The following GALNT10 variants were observed in gnomAD, a reference collection of about 807,000 sequenced individuals.
The protein encoded by GALNT10 is polypeptide N-acetylgalactosaminyltransferase 10, also known as GalNAc transferase 10.
A neutral mutation model predicts 75.0 loss-of-function variants in GALNT10; 41 were observed. That is an observed-to-expected ratio of 0.55 (90% CI 0.43 to 0.71). The LOEUF (loss-of-function observed/expected upper bound fraction) is 0.71, where lower values mean the gene tolerates loss of function less well. GALNT10 is among the 30% of genes least tolerant of loss of function. The probability of loss-of-function intolerance (pLI) is 0.00; values close to 1 mark genes in which losing one functional copy is unlikely to be tolerated. For missense variants in GALNT10, 727 were observed against 818.5 expected, an observed-to-expected ratio of 0.89 and a Z score of 1.36; for synonymous variants, 302 against 313.0, an observed-to-expected ratio of 0.96 and a Z score of 0.37.
chr5:154,325,269 T>A (rs1754739573), intron 3 of GALNT10, among the ~76,000 whole-genome samples: 2 of 152,200 alleles, frequency 1.3e-5, no homozygotes. Context: ...ATATCTTAAC[T>A]TTTCTGTAAT....
chr5:154,200,441 G>A (rs1349839195), intron 1 of GALNT10, among the ~76,000 whole-genome samples: 1 of 152,200 alleles, frequency 6.6e-6, no homozygotes, highest in Non-Finnish European at 1.5e-5. Context: ...GAAACATCTG[G>A]CAGGGGTGTG....
chr5:154,192,526 T>TA (rs1429423450), intron 1 of GALNT10, among the ~76,000 whole-genome samples: 2 of 152,258 alleles, frequency 1.3e-5, no homozygotes, highest in African/African-American at 4.8e-5. Context: ...ACCACTAACT[T>TA]ACTGTGTGTG....
chr5:154,227,746 G>GTT (rs371260942), intron 1 of GALNT10, among the ~76,000 whole-genome samples: 92 of 144,770 alleles, frequency 6.4e-4, no homozygotes, highest in African/African-American at 2.3e-3. Flanking sequence ...AAGTCCCAAG[G>GTT]TTTTTTTTTT....
At chr5:154,250,987 C>T (rs2098668) in intron 1 of GALNT10, among the ~76,000 whole-genome samples, 61,857 of 151,986 alleles carry the variant, frequency 0.41, 14,900 homozygotes, top group East Asian at 0.76. Flanking sequence ...GTCCAGGGAC[C>T]GGGATAAAAG....
At chr5:154,210,688 A>T (rs1775183027) in intron 1 of GALNT10, among the ~76,000 whole-genome samples, 1 of 152,212 alleles carries the variant, frequency 6.6e-6, no homozygotes, top group Non-Finnish European at 1.5e-5. Flanking sequence ...GGCATGTGAC[A>T]TATTTGATGA....
At chr5:154,378,686 TAGTCTTATCG>T (rs1755692029) in intron 5 of GALNT10, among the ~76,000 whole-genome samples, 1 of 152,206 alleles carries the variant, frequency 6.6e-6, no homozygotes. Flanking sequence ...AGACATCAGA[TAGTCTTATCG>T]AAGATTATAC....
At chr5:154,343,831 C>T (rs1755077036) in intron 4 of GALNT10, among the ~76,000 whole-genome samples, 1 of 152,116 alleles carries the variant, frequency 6.6e-6, no homozygotes, top group Non-Finnish European at 1.5e-5. Flanking sequence ...AAAATCCTTC[C>T]TCAATATGAG....
intron 4 of GALNT10, 34 bp downstream of exon 4, chr5:154,329,772 G>C (rs760283079): frequency 6.5e-7 from 1 of 1,538,904 alleles, no homozygotes; most frequent in Non-Finnish European, 9.0e-7. Flanking sequence ...CCCACCCTCT[G>C]TGCTTCATCT....
At chr5:154,297,799 A>G (rs1754303117) in intron 2 of GALNT10, 142 bp from the exon 3 acceptor site, 2 of 232,856 alleles carry the variant, frequency 8.6e-6, no homozygotes, top group East Asian at 1.3e-4. Context: ...TACTCTTTGT[A>G]CTGAGCAAAA....
At position 154,418,139 on chromosome 5, in the gene GALNT10, C is replaced by G. The variant is rs1756553143; in HGVS notation, c.*1167C>G. The G allele has an allele frequency of 6.6e-5, 10 of 152,202 alleles. No homozygotes were observed. The highest frequency in any genetic ancestry group is 6.5e-4 in the Admixed American group (10 of 15,274). 9.4% of individuals were successfully genotyped at this position (152,202 alleles called of 1,614,324 possible). ...CAGGTGTAATACAGTCAAGGCAGCC[C>G]CCAGCCTAGAGACAATCTGTGAAAT... On this transcript the variant is annotated 3_prime_UTR_variant, in exon 12 of 12. Coordinates refer to ENST00000297107, the MANE Select transcript of GALNT10 (RefSeq NM_198321.4).
At chr5:154,281,700 C>T (rs550737048) in intron 1 of GALNT10, among the ~76,000 whole-genome samples, 9 of 152,286 alleles carry the variant, frequency 5.9e-5, no homozygotes, top group Non-Finnish European at 1.2e-4. Flanking sequence ...ATATTGGTTA[C>T]GATTATATTT....
chr5:154,327,439 C>T (rs1012633388), intron 3 of GALNT10, among the ~76,000 whole-genome samples: 4 of 152,218 alleles, frequency 2.6e-5, no homozygotes, highest in African/African-American at 7.2e-5. Flanking sequence ...TATCTTTTAT[C>T]GTAAAACAAA....
Position 154,416,772 on chromosome 5 carries a change from T to C in GALNT10, c.1654-42T>C. On this transcript the variant is annotated intron_variant, in intron 11 of 11. Transcript: ENST00000297107. The surrounding 1 kb of genome is among the most constrained non-coding windows in gnomAD (Gnocchi z 4.5). ...TGTTGCTGTGGTTTGACTGGCCACA[T>C]GTCTCCAGTGCTGTCTGGCTTATTA... 6.7e-7 allele frequency: 1 copy of C among 1,485,530 alleles called. No individual in the cohort carries two copies. Among genetic ancestry groups the C allele is most frequent in the East Asian group, 2.3e-5 (1 of 44,142 alleles). The allele number at this position is 1,485,530 out of a possible 1,614,324, so 92.0% of individuals were successfully genotyped here. A position where few individuals can be genotyped will look rare whatever the true frequency, so the allele number is the denominator to read the frequency against.
chr5:154,386,226 C>T, intron 6 of GALNT10, 87 bp from the exon 7 acceptor site: 1 of 943,998 alleles, frequency 1.1e-6, no homozygotes, highest in African/African-American at 1.6e-5. Context: ...TGGAACACCG[C>T]CGCTGGGGGA....
At chr5:154,294,739 C>G in intron 1 of GALNT10, 77 bp from the exon 2 acceptor site, 1 of 784,138 alleles carries the variant, frequency 1.3e-6, no homozygotes, top group African/African-American at 1.7e-5. Context: ...ACAAAGCTCC[C>G]TTAGGCAGTG....
At chr5:154,335,877 C>T (rs1479226460) in intron 4 of GALNT10, among the ~76,000 whole-genome samples, 1 of 152,188 alleles carries the variant, frequency 6.6e-6, no homozygotes, top group South Asian at 2.1e-4. Flanking sequence ...TGGTGTTGTA[C>T]ATTCTATGGA....
Position 154,226,390 on chromosome 5 carries a change from GGCTCTTGATA to G in GALNT10, c.159+35368_159+35377del, listed in dbSNP as rs1421706287. On this transcript the variant is annotated intron_variant, in intron 1 of 11. Transcript: ENST00000297107. ...ATTCTTTTAAATTTCCTTCAGCAAG[GGCTCTTGATA>G]GCAAACTCTCCATGTTTGCTTGGGA... 4.6e-5 allele frequency among the ~76,000 whole-genome samples: 7 copies of G among 152,194 alleles called. No homozygotes were observed. The East Asian group carries it at 1.4e-3, about 29-fold the overall frequency.
At chr5:154,246,213 G>C (rs1356498407) in intron 1 of GALNT10, among the ~76,000 whole-genome samples, 1 of 152,010 alleles carries the variant, frequency 6.6e-6, no homozygotes, top group Non-Finnish European at 1.5e-5. Context: ...TATCATTGTT[G>C]GACATTTGAG....
chr5:154,331,718 G>A (rs1332923669), intron 4 of GALNT10, among the ~76,000 whole-genome samples: 3 of 152,198 alleles, frequency 2.0e-5, no homozygotes, highest in Admixed American at 6.5e-5. Flanking sequence ...GGATGTGTGG[G>A]TGCAGGTATG....
Sources: gnomAD v4.1 joint callset for allele counts (sites outside exome capture counted in the v4.1 genomes callset) on GRCh38, gnomAD v4.1.1 for gene constraint, Gnocchi (gnomAD v3.1) non-coding constraint, MANE v1.5 for transcripts, NCBI Gene and HGNC (gene_info 2026-07-23, HGNC 2026-07-21) for gene names.